Variants in SEMA3D observed in about 807,000 individuals in gnomAD.
The protein encoded by SEMA3D is semaphorin-3D.
In SEMA3D, 84 loss-of-function variants were observed where a neutral mutation model predicts 100.1. The ratio of observed to expected loss-of-function variants is 0.84; its 90% confidence interval spans 0.70 to 1.01. The LOEUF (loss-of-function observed/expected upper bound fraction) is 1.01. Ranked by LOEUF, SEMA3D falls within the 50% of genes least tolerant of loss-of-function variation. SEMA3D has a pLI of 0.00. For missense variants in SEMA3D, 875 were observed against 934.1 expected, an observed-to-expected ratio of 0.94 and a Z score of 0.82; for synonymous variants, 312 against 320.7, an observed-to-expected ratio of 0.97 and a Z score of 0.29.
the SEMA3D span, among the ~76,000 whole-genome samples, chr7:85,222,551 A>G: frequency 6.6e-6 from 1 of 152,106 alleles, no homozygotes; most frequent in African/African-American, 2.4e-5. Flanking sequence ...TCACTGTTCT[A>G]AAAGTATGGC....
rs755138360 is a variant in SEMA3D, at chr7:85,006,870, T to C, written c.1840A>G (p.Ile614Val). The change falls in exon 18 of 19, where the codon ATA (isoleucine) becomes GTA (valine). Residue 614 changes from isoleucine to valine, a missense_variant. Ile to Val is a conservative substitution (Grantham distance 29). Transcript: ENST00000284136. ...IEFNSTFLEC[I>V]PKSQQATIKW... ...ATAGTTGCTTGTTGGGATTTAGGTA[T>C]ACATTCCAGAAAGGTTGAGTTAAAT... 10 of 1,611,054 alleles carry C rather than the reference T, an allele frequency of 6.2e-6. No homozygotes were observed. The highest frequency in any genetic ancestry group is 2.2e-5 in the East Asian group (1 of 44,752).
the SEMA3D span, among the ~76,000 whole-genome samples, chr7:85,196,209 C>T: frequency 6.6e-6 from 1 of 152,042 alleles, no homozygotes; most frequent in Non-Finnish European, 1.5e-5. Context: ...AATGAACTGA[C>T]ATGCTCAAGG....
chr7:85,131,250 C>T (rs972923088), intron 2 of SEMA3D, among the ~76,000 whole-genome samples: 1 of 151,720 alleles, frequency 6.6e-6, no homozygotes, highest in African/African-American at 2.4e-5. Flanking sequence ...AGTATGAAAG[C>T]AAATGAAGAA....
the SEMA3D span, among the ~76,000 whole-genome samples, chr7:85,236,279 T>A: frequency 1.1e-3 from 146 of 136,068 alleles, no homozygotes; most frequent in Non-Finnish European, 1.3e-3. Flanking sequence ...TATTTTATTT[T>A]ATTTTATTTA....
Position 85,022,525 on chromosome 7 carries a change from A to G in SEMA3D, c.1280T>C (p.Met427Thr), listed in dbSNP as rs1284373316. The change falls in exon 13 of 19, where the codon ATG becomes ACG. Residue 427 changes from methionine (M) to threonine (T), a missense_variant. Coordinates refer to ENST00000284136, the MANE Select transcript of SEMA3D (RefSeq NM_001384900.1). ...VISFIKRHSV[M>T]YKSVYPVAGG... ...TGCAACTGGGTATACGGACTTATAC[A>G]TCACAGAGTGCCGCTTTATGAAACT... 1 of 1,612,584 alleles carries G rather than the reference A, an allele frequency of 6.2e-7. No homozygotes were observed. The highest frequency in any genetic ancestry group is 1.7e-5 in the Admixed American group (1 of 59,884).
At chr7:85,033,732 C>T (rs1034073247) in intron 12 of SEMA3D, among the ~76,000 whole-genome samples, 1 of 151,640 alleles carries the variant, frequency 6.6e-6, no homozygotes, top group African/African-American at 2.4e-5. Context: ...CAAAAAACCC[C>T]AAACCAAAAA....
chr7:85,074,264 T>C (rs1310113026), intron 5 of SEMA3D, among the ~76,000 whole-genome samples: 2 of 152,134 alleles, frequency 1.3e-5, no homozygotes, highest in East Asian at 3.9e-4. Flanking sequence ...CAAGTGGCCA[T>C]AGGTTACTCA....
chr7:85,180,775 A>C (rs1791378747), intron 1 of SEMA3D, among the ~76,000 whole-genome samples: 1 of 152,202 alleles, frequency 6.6e-6, no homozygotes. Context: ...TCCCATGCAG[A>C]TACTATATTA....
At chr7:85,215,727 T>A in the SEMA3D span, among the ~76,000 whole-genome samples, 1 of 152,150 alleles carries the variant, frequency 6.6e-6, no homozygotes, top group Admixed American at 6.6e-5. Flanking sequence ...GTAAACTTAC[T>A]ACATGTAAAT....
At chr7:85,225,384 C>A in the SEMA3D span, among the ~76,000 whole-genome samples, 2,721 of 150,924 alleles carry the variant, frequency 0.018, 79 homozygotes, top group African/African-American at 0.063. Flanking sequence ...TGATATGGGG[C>A]ACAGTAAGAA....
At chr7:85,001,704 G>A (rs1313646027) in intron 18 of SEMA3D, among the ~76,000 whole-genome samples, 1 of 152,112 alleles carries the variant, frequency 6.6e-6, no homozygotes. Context: ...CACAGCATAT[G>A]GTGTGTTTGG....
At chr7:85,105,065 T>A (rs981867550) in intron 3 of SEMA3D, among the ~76,000 whole-genome samples, 1 of 152,076 alleles carries the variant, frequency 6.6e-6, no homozygotes, top group Non-Finnish European at 1.5e-5. Context: ...AGCAGTTTTA[T>A]CAGTAGGGCT....
At chr7:85,101,656 A>C (rs1788746628) in intron 3 of SEMA3D, among the ~76,000 whole-genome samples, 1 of 152,052 alleles carries the variant, frequency 6.6e-6, no homozygotes, top group African/African-American at 2.4e-5. Flanking sequence ...TCTATCAGTC[A>C]TTATAATAAC....
chr7:85,094,089 T>C (rs890963775), intron 4 of SEMA3D, among the ~76,000 whole-genome samples: 1 of 152,008 alleles, frequency 6.6e-6, no homozygotes, highest in African/African-American at 2.4e-5. Context: ...AATTATCTAT[T>C]TTATGAAGAA....
At chr7:85,164,412 C>G (rs1790835527) in intron 1 of SEMA3D, among the ~76,000 whole-genome samples, 1 of 152,038 alleles carries the variant, frequency 6.6e-6, no homozygotes, top group Non-Finnish European at 1.5e-5. Context: ...AAAATCTAAG[C>G]AGATAGAGAG....
chr7:85,165,210 TATA>T (rs71864257), intron 1 of SEMA3D, among the ~76,000 whole-genome samples: 96,764 of 150,496 alleles, frequency 0.64, 31,769 homozygotes, highest in East Asian at 0.9. Flanking sequence ...AAACTTAAAG[TATA>T]ATAATAATAA....
rs73713926 is a variant in SEMA3D at position 85,028,048 on chromosome 7, C to G, written c.1192-5435G>C. ...ATGGCTTTTGATGCCAAATGTCTGA[C>G]TGGATGCAGATTTGATGATGCCATT... On this transcript the variant is annotated intron_variant, in intron 12 of 18. Coordinates refer to ENST00000284136, the MANE Select transcript of SEMA3D (RefSeq NM_001384900.1). 2.6e-3 allele frequency: 1,535 copies of G among 590,996 alleles called. 18 individuals carry two copies. The highest frequency in any genetic ancestry group is 0.025 in the African/African-American group (1,345 of 54,606). The allele number at this position is 590,996 out of a possible 1,614,324, so 36.6% of individuals were successfully genotyped here. A position where few individuals can be genotyped will look rare whatever the true frequency, so the allele number is the denominator to read the frequency against.
At chr7:85,239,198 C>T in the SEMA3D span, among the ~76,000 whole-genome samples, 2 of 152,040 alleles carry the variant, frequency 1.3e-5, no homozygotes, top group South Asian at 2.1e-4. Flanking sequence ...TTAAATGTAT[C>T]CCCTCCCAAA....
At chr7:85,040,260 G>A (rs1425903920) in intron 11 of SEMA3D, among the ~76,000 whole-genome samples, 1 of 151,984 alleles carries the variant, frequency 6.6e-6, no homozygotes, top group African/African-American at 2.4e-5. Context: ...TTATAGGAGT[G>A]AGCTGGTGAG....
Sources: allele counts gnomAD v4.1 joint callset (sites outside exome capture counted in the v4.1 genomes callset), GRCh38; gene constraint gnomAD v4.1.1; transcripts MANE v1.5; gene names NCBI Gene and HGNC (gene_info 2026-07-23, HGNC 2026-07-21).